The following TCERG1L variants were observed in gnomAD, a reference collection of about 807,000 sequenced individuals.
TCERG1L encodes the protein transcription elongation regulator 1-like protein.
A neutral mutation model predicts 56.3 loss-of-function variants in TCERG1L; 37 were observed. That is an observed-to-expected ratio of 0.66 (90% CI 0.51 to 0.87). The LOEUF (loss-of-function observed/expected upper bound fraction) is 0.87. TCERG1L is among the 40% of genes least tolerant of loss of function. TCERG1L has a pLI of 0.00. For missense variants in TCERG1L, 799 were observed against 774.2 expected (o/e 1.03, Z -0.38); for synonymous variants, 324 against 326.3 (o/e 0.99, Z 0.08).
chr10:131,278,015 G>A (rs890890870), intron 3 of TCERG1L, among the ~76,000 whole-genome samples: 2 of 152,140 alleles, frequency 1.3e-5, no homozygotes, highest in African/African-American at 2.4e-5. Context: ...CTGGAGGGAG[G>A]AAAGTCTGAG....
At position 131,185,119 on chromosome 10, in the gene TCERG1L, A is replaced by T. The variant is rs576869472; in HGVS notation, c.857-18234T>A. On this transcript the variant is annotated intron_variant, in intron 4 of 11. Coordinates refer to ENST00000368642, the MANE Select transcript of TCERG1L (RefSeq NM_174937.4). ...TCAAAACATAGAGACATATAGATGT[A>T]CATATAGATAAAAATATAGATAATA... Among the ~76,000 whole-genome samples, 28 of 152,296 alleles carry T rather than the reference A, an allele frequency of 1.8e-4. 1 individual carries two copies. The highest frequency in any genetic ancestry group is 1.5e-3 in the South Asian group (7 of 4,812).
At chr10:131,099,511 A>C (rs562791929) in intron 10 of TCERG1L, among the ~76,000 whole-genome samples, 1 of 152,328 alleles carries the variant, frequency 6.6e-6, no homozygotes, top group South Asian at 2.1e-4. Flanking sequence ...ATAAATAGCA[A>C]CTGGGCACCA....
At chr10:131,119,533 C>A (rs1336302997) in intron 8 of TCERG1L, among the ~76,000 whole-genome samples, 2 of 152,128 alleles carry the variant, frequency 1.3e-5, no homozygotes, top group African/African-American at 4.8e-5. Flanking sequence ...TGTATTGTTG[C>A]AACTTGAAAT....
intron 4 of TCERG1L, among the ~76,000 whole-genome samples, chr10:131,245,047 G>C (rs577048729): frequency 1.7e-4 from 26 of 152,234 alleles, no homozygotes; most frequent in Non-Finnish European, 8.8e-5. Flanking sequence ...CTGCTGGAAG[G>C]CACCTGGACA....
chr10:131,188,195 T>C (rs1368745575), intron 4 of TCERG1L, among the ~76,000 whole-genome samples: 1 of 152,228 alleles, frequency 6.6e-6, no homozygotes, highest in African/African-American at 2.4e-5. Flanking sequence ...TTTGAATGCT[T>C]GTGAAGTTCC....
chr10:131,222,411 G>C (rs1031320482), intron 4 of TCERG1L, among the ~76,000 whole-genome samples: 1 of 152,332 alleles, frequency 6.6e-6, no homozygotes, highest in Middle Eastern at 3.4e-3. Flanking sequence ...TCAACTTCTA[G>C]AGCAAAATTC....
intron 3 of TCERG1L, among the ~76,000 whole-genome samples, chr10:131,274,018 T>C (rs545716209): frequency 3.3e-5 from 5 of 152,174 alleles, no homozygotes; most frequent in African/African-American, 1.2e-4. Flanking sequence ...TTCTCTTCTG[T>C]TTGGTTGAGA....
intron 4 of TCERG1L, among the ~76,000 whole-genome samples, chr10:131,200,623 TA>T: frequency 6.6e-6 from 1 of 152,340 alleles, no homozygotes. Flanking sequence ...TTCCTCGGAA[TA>T]AATCACACTT....
chr10:131,169,436 G>T (rs1025527661), intron 4 of TCERG1L, among the ~76,000 whole-genome samples: 3 of 152,192 alleles, frequency 2.0e-5, no homozygotes, highest in Admixed American at 6.5e-5. Context: ...CCAACGCAAA[G>T]CAGGCCCAAG....
chr10:131,226,150 A>G lies in TCERG1L; in HGVS notation c.856+34109T>C, dbSNP rs1043722202. On this transcript the variant is annotated intron_variant, in intron 4 of 11. Transcript: ENST00000368642. ...GAGATGGAGTGTCACTAGGTTGCCT[A>G]GGCTGGTCCTGAACTCCTGGGCTCA... is the stretch of plus-strand genomic sequence containing the variant. 2.6e-4 allele frequency among the ~76,000 whole-genome samples: 40 copies of G among 152,184 alleles called. 1 individual carries two copies. The highest frequency in any genetic ancestry group is 8.4e-4 in the African/African-American group (35 of 41,446).
At position 131,103,720 on chromosome 10, in the gene TCERG1L, GT is replaced by G. The variant is rs1845324672; in HGVS notation, c.1485+544del. Among the ~76,000 whole-genome samples the G allele has an allele frequency of 6.6e-6, 1 of 152,056 alleles. No homozygotes were observed. Among genetic ancestry groups the G allele is most frequent in the Admixed American group, 6.6e-5 (1 of 15,266 alleles). The stretch of plus-strand genomic sequence containing the variant: ...AAAATGAAATAAAATAAAATAAAAG[GT>G]TTTGACGGCCTTGTGTGCAAGACTG... On this transcript the variant is annotated intron_variant, in intron 10 of 11. Coordinates refer to ENST00000368642, the MANE Select transcript of TCERG1L (RefSeq NM_174937.4). This position sits in a 1 kb window ranked among gnomAD's most constrained non-coding sequence, Gnocchi z 4.3.
intron 8 of TCERG1L, among the ~76,000 whole-genome samples, chr10:131,130,252 C>T (rs1202075672): frequency 2.0e-5 from 3 of 152,120 alleles, no homozygotes; most frequent in Admixed American, 6.6e-5. Flanking sequence ...CACTTAGTCA[C>T]TATCATGAGA....
At chr10:131,196,238 G>A (rs1048299985) in intron 4 of TCERG1L, among the ~76,000 whole-genome samples, 5 of 152,252 alleles carry the variant, frequency 3.3e-5, no homozygotes, top group Middle Eastern at 3.4e-3. Context: ...TTACTTTATC[G>A]GCATGGCACC....
chr10:131,257,388 C>A (rs1016358014), intron 4 of TCERG1L, among the ~76,000 whole-genome samples: 7 of 152,230 alleles, frequency 4.6e-5, no homozygotes, highest in African/African-American at 1.7e-4. Context: ...GACCTGGTCA[C>A]GGGCTCTTTA....
chr10:131,276,385 C>G (rs181901124), intron 3 of TCERG1L, among the ~76,000 whole-genome samples: 1 of 152,228 alleles, frequency 6.6e-6, no homozygotes, highest in Non-Finnish European at 1.5e-5. Context: ...TTTGTTTGCA[C>G]AACAACAAAA....
intron 8 of TCERG1L, among the ~76,000 whole-genome samples, chr10:131,129,381 G>A (rs1845595392): frequency 6.6e-6 from 1 of 152,218 alleles, no homozygotes; most frequent in South Asian, 2.1e-4. Flanking sequence ...TTTATATGAT[G>A]TCGGGGGTTT....
intron 6 of TCERG1L, among the ~76,000 whole-genome samples, chr10:131,160,472 C>T (rs977242555): frequency 2.0e-5 from 3 of 152,190 alleles, no homozygotes; most frequent in African/African-American, 7.2e-5. Context: ...CCTCTGACCA[C>T]AGCCACCCTT....
At chr10:131,115,772 C>T (rs1427907321) in intron 9 of TCERG1L, among the ~76,000 whole-genome samples, 1 of 152,130 alleles carries the variant, frequency 6.6e-6, no homozygotes, top group African/African-American at 2.4e-5. Context: ...AGGGGTAGGA[C>T]CTGCTCAATG....
chr10:131,167,860 C>A (rs531218861), intron 4 of TCERG1L, among the ~76,000 whole-genome samples: 69 of 152,272 alleles, frequency 4.5e-4, no homozygotes, highest in African/African-American at 1.6e-3. Flanking sequence ...CAAAATTTTG[C>A]AAGTAGATTC....
Sources: gnomAD v4.1 joint callset for allele counts (sites outside exome capture counted in the v4.1 genomes callset) on GRCh38, gnomAD v4.1.1 for gene constraint, Gnocchi (gnomAD v3.1) non-coding constraint, MANE v1.5 for transcripts, NCBI Gene and HGNC (gene_info 2026-07-23, HGNC 2026-07-21) for gene names.